Variants in APBB3 observed in about 807,000 individuals in gnomAD.
APBB3 encodes amyloid beta precursor protein binding family B member 3.
A neutral mutation model predicts 61.5 loss-of-function variants in APBB3; 50 were observed. The ratio of observed to expected loss-of-function variants is 0.81; its 90% CI spans 0.65 to 1.03. The LOEUF (loss-of-function observed/expected upper bound fraction) is 1.03. Ranked by LOEUF, APBB3 falls within the 50% of genes least tolerant of loss-of-function variation. The pLI is 0.00. For synonymous variants in APBB3, 235 were observed against 233.0 expected, an observed-to-expected ratio of 1.01 and a Z score of -0.08; for missense variants, 550 against 637.4, an observed-to-expected ratio of 0.86 and a Z score of 1.48.
Position 140,564,081 on chromosome 5 carries a change from C to T in APBB3, c.49+116G>A. On this transcript the variant is annotated intron_variant, in intron 1 of 12. Transcript: ENST00000357560. This position sits in a 1 kb window ranked among gnomAD's most constrained non-coding sequence, Gnocchi z 5.0. ...CATGTAAAGACCGGGTTCATTCGCC[C>T]CCTGGTCCCTACACAGAGAGGTATC... 1 of 1,500,146 alleles carries T rather than the reference C, an allele frequency of 6.7e-7. No individual in the cohort carries two copies. The highest frequency in any genetic ancestry group is 9.1e-7 in the Non-Finnish European group (1 of 1,096,364). The allele number at this position is 1,500,146 out of a possible 1,614,324, so 92.9% of individuals were successfully genotyped here. A position where few individuals can be genotyped will look rare whatever the true frequency, so the allele number is the denominator to read the frequency against.
chr5:140,562,078 T>TG (rs1754984751), intron 6 of APBB3, 22 bp downstream of exon 6: 2 of 1,613,316 alleles, frequency 1.2e-6, no homozygotes, highest in Middle Eastern at 1.7e-4. Context: ...AGCTCTTGCT[T>TG]GGGGGATGTA....
At chr5:140,563,470 G>T (rs1043860661) in intron 3 of APBB3, 124 bp downstream of exon 3, 10 of 1,119,562 alleles carry the variant, frequency 8.9e-6, no homozygotes, top group Admixed American at 7.9e-5. Context: ...AGCCAAGAAC[G>T]TAACAGAACC....
At position 140,562,475 on chromosome 5, in the gene APBB3, A is replaced by C; in HGVS notation, c.376T>G (p.Trp126Gly). The stretch of plus-strand genomic sequence containing the variant: ...AGGTCCTCTTCAGGTACCTCTACCC[A>C]GCCCAGAGAGCGGACTGCAAAGCAC... ...AKCFAVRSLG[W>G]VEVPEEDLAP... Residue 126 changes from tryptophan (W) to glycine (G), a missense_variant, in exon 5 of 13, where the codon TGG becomes GGG. This residue lies in a region of APBB3 where 405 missense variants were observed against 483.4 expected (regional missense o/e 0.84). Coordinates refer to ENST00000357560, the MANE Select transcript of APBB3 (RefSeq NM_133173.3). The C allele has an allele frequency of 6.2e-7, 1 of 1,614,174 alleles. No homozygotes were observed. Among genetic ancestry groups the C allele is most frequent in the East Asian group, 2.2e-5 (1 of 44,880 alleles).
At chr5:140,561,924 G>A (rs1443282753) in intron 6 of APBB3, 75 bp from the exon 7 acceptor site, 1 of 1,612,334 alleles carries the variant, frequency 6.2e-7, no homozygotes, top group East Asian at 2.2e-5. Flanking sequence ...TGTCCCTGCT[G>A]AGCTGGGCCC....
At chr5:140,563,050 T>A (rs1227260851) in intron 3 of APBB3, 1 of 348,966 alleles carries the variant, frequency 2.9e-6, no homozygotes, top group African/African-American at 2.1e-5. Context: ...ATCGAGACCA[T>A]CCTGGCCAAC....
At chr5:140,559,615 A>C (rs1156570554) in intron 12 of APBB3, among the ~76,000 whole-genome samples, 1 of 151,976 alleles carries the variant, frequency 6.6e-6, no homozygotes, top group African/African-American at 2.4e-5. Flanking sequence ...ATCCACTAAT[A>C]TCTCTCACCT....
intron 3 of APBB3, 21 bp downstream of exon 3, chr5:140,563,573 T>C: frequency 6.2e-7 from 1 of 1,613,910 alleles, no homozygotes; most frequent in Non-Finnish European, 8.5e-7. Context: ...AGCCTTTCAT[T>C]TTGCCTGGGC....
chr5:140,559,299 C>T (rs894137268), intron 12 of APBB3, among the ~76,000 whole-genome samples: 3 of 152,174 alleles, frequency 2.0e-5, no homozygotes, highest in Non-Finnish European at 4.4e-5. Flanking sequence ...GTGTACAACT[C>T]AAACTCCAGC....
In APBB3 at chr5:140,562,228, C is replaced by T. The variant is rs376576611; in HGVS notation, c.499-1G>A. On this transcript the variant is annotated splice_acceptor_variant, in intron 5 of 12. Coordinates refer to ENST00000357560, the MANE Select transcript of APBB3 (RefSeq NM_133173.3). LOFTEE classifies it high-confidence loss of function. ...TCAGGATCATCAGCATGTTCTGGCC[C>T]TGCCAAGGACAGAGGTCAGCCCAGA... 1 of 1,614,116 alleles carries T rather than the reference C, an allele frequency of 6.2e-7. No individual in the cohort carries two copies. The highest frequency in any genetic ancestry group is 8.5e-7 in the Non-Finnish European group (1 of 1,180,002).
chr5:140,562,059 G>A (rs1754983922), intron 6 of APBB3, 41 bp downstream of exon 6: 1 of 1,612,432 alleles, frequency 6.2e-7, no homozygotes, highest in Non-Finnish European at 8.5e-7. Context: ...GCAGCCGGGA[G>A]GGAGAAGTAG....
chr5:140,564,068 G>T lies in APBB3; in HGVS notation c.49+129C>A. ...CTTGAAGACATCACATGTAAAGACCGGGTTCATTCGCCCCCTGGTCCCTAC... is the reference window on the plus strand; with the variant it reads ...CTTGAAGACATCACATGTAAAGACCTGGTTCATTCGCCCCCTGGTCCCTAC... On this transcript the variant is annotated intron_variant, in intron 1 of 12. Coordinates refer to ENST00000357560, the MANE Select transcript of APBB3 (RefSeq NM_133173.3). The surrounding 1 kb of genome is among the most constrained non-coding windows in gnomAD (Gnocchi z 5.0). 6.8e-7 allele frequency: 1 copy of T among 1,465,882 alleles called. No individual in the cohort carries two copies. Among genetic ancestry groups the T allele is most frequent in the East Asian group, 2.4e-5 (1 of 41,976 alleles). The allele number at this position is 1,465,882 out of a possible 1,614,324, so 90.8% of individuals were successfully genotyped here.
chr5:140,560,489 C>T lies in APBB3; in HGVS notation c.1048G>A (p.Glu350Lys). The T allele has an allele frequency of 6.2e-7, 1 of 1,613,528 alleles. No individual in the cohort carries two copies. ...GGGCACTGCCACAATGGCTCCTCCTCTGTACTGGCCTCTGCCTGCCCACAC... is the reference window on the plus strand; with the variant it reads ...GGGCACTGCCACAATGGCTCCTCCTTTGTACTGGCCTCTGCCTGCCCACAC... ...AHPIQAEAST[E>K]EEPLWQCPVR... The change falls in exon 12 of 13, where the codon GAG becomes AAG. Residue 350 changes from glutamate to lysine, a missense_variant. Glu to Lys is a moderately conservative substitution (Grantham distance 56, BLOSUM62 1). This residue lies in a region of APBB3 where 405 missense variants were observed against 483.4 expected (regional missense o/e 0.84). Coordinates refer to ENST00000357560, the MANE Select transcript of APBB3 (RefSeq NM_133173.3). This position sits in a 1 kb window ranked among gnomAD's most constrained non-coding sequence, Gnocchi z 5.1.
intron 4 of APBB3, 24 bp from the exon 5 acceptor site, chr5:140,562,523 G>T: frequency 6.2e-7 from 1 of 1,613,404 alleles, no homozygotes; most frequent in Non-Finnish European, 8.5e-7. Context: ...GGAAGGGACA[G>T]GAATTAATAA....
At position 140,561,828 on chromosome 5, in the gene APBB3, C is replaced by T. The variant is rs73267684; in HGVS notation, c.632+16G>A. On this transcript the variant is annotated intron_variant, in intron 7 of 12. Coordinates refer to ENST00000357560, the MANE Select transcript of APBB3 (RefSeq NM_133173.3). ...GACATCAGGGATGGGGCTCAGGATA[C>T]CTGGTTTTCACTCACCTGTCACTGT... The T allele has an allele frequency of 6.2e-7, 1 of 1,613,792 alleles. No individual in the cohort carries two copies. The highest frequency in any genetic ancestry group is 8.5e-7 in the Non-Finnish European group (1 of 1,180,002).
Position 140,560,165 on chromosome 5 carries a change from C to T in APBB3, c.1224+148G>A. 1.2e-6 allele frequency: 1 copy of T among 844,962 alleles called. No individual in the cohort carries two copies. Among genetic ancestry groups the T allele is most frequent in the Non-Finnish European group, 1.8e-6 (1 of 555,386 alleles). 52.3% of individuals were successfully genotyped at this position (844,962 alleles called of 1,614,324 possible). A position where few individuals can be genotyped will look rare whatever the true frequency, so the allele number is the denominator to read the frequency against. ...AATATTGGCAACTAATTAAAACTTACTAAAAACAACATGAGGGCCAAAACA... is the reference window on the plus strand; with the variant it reads ...AATATTGGCAACTAATTAAAACTTATTAAAAACAACATGAGGGCCAAAACA... On this transcript the variant is annotated intron_variant, in intron 12 of 12. Coordinates refer to ENST00000357560, the MANE Select transcript of APBB3 (RefSeq NM_133173.3). This position sits in a 1 kb window ranked among gnomAD's most constrained non-coding sequence, Gnocchi z 5.1.
chr5:140,560,828 T>C lies in APBB3; in HGVS notation c.917-74A>G. ...CAGGGAGTGTCTAGCCCCCTCTCAC[T>C]GATTTGGGATTCAGAGATAGGGAAT... On this transcript the variant is annotated intron_variant, in intron 10 of 12. Coordinates refer to ENST00000357560, the MANE Select transcript of APBB3 (RefSeq NM_133173.3). The surrounding 1 kb of genome is among the most constrained non-coding windows in gnomAD (Gnocchi z 5.1). 1.4e-6 allele frequency: 2 copies of C among 1,471,716 alleles called. No individual in the cohort carries two copies. The highest frequency in any genetic ancestry group is 1.9e-6 in the Non-Finnish European group (2 of 1,057,232). 91.2% of individuals were successfully genotyped at this position (1,471,716 alleles called of 1,614,324 possible).
Position 140,561,301 on chromosome 5 carries a change from C to T in APBB3, c.832+64G>A, listed in dbSNP as rs1044821708. On this transcript the variant is annotated intron_variant, in intron 9 of 12. Coordinates refer to ENST00000357560, the MANE Select transcript of APBB3 (RefSeq NM_133173.3). The stretch of plus-strand genomic sequence containing the variant: ...ACAGAAGTATTAAATAACCAGAAAT[C>T]GCCCCCCCACAAAGCAGCACCAAAG... 3.6e-5 allele frequency: 56 copies of T among 1,566,560 alleles called. No individual in the cohort carries two copies. In the South Asian group the frequency reaches 3.8e-4, roughly 11 times the overall value.
At position 140,561,931 on chromosome 5, in the gene APBB3, G is replaced by A. The variant is rs745937719; in HGVS notation, c.627-82C>T. On this transcript the variant is annotated intron_variant, in intron 6 of 12. Coordinates refer to ENST00000357560, the MANE Select transcript of APBB3 (RefSeq NM_133173.3). ...CCCCAAACTGTCCCTGCTGAGCTGG[G>A]CCCACCCTCCCCAACCAGGGCTGGA... 40 of 1,611,846 alleles carry A rather than the reference G, an allele frequency of 2.5e-5. No homozygotes were observed. The South Asian group carries it at 3.5e-4, about 14-fold the overall frequency.
Position 140,564,054 on chromosome 5 carries a change from C to A in APBB3, c.50-139G>T, listed in dbSNP as rs1002905015. 3 of 1,464,074 alleles carry A rather than the reference C, an allele frequency of 2.0e-6. No individual in the cohort carries two copies. Among genetic ancestry groups the A allele is most frequent in the Non-Finnish European group, 2.8e-6 (3 of 1,077,340 alleles). 90.7% of individuals were successfully genotyped at this position (1,464,074 alleles called of 1,614,324 possible). ...CCAGGCTCCTCAATCTTGAAGACAT[C>A]ACATGTAAAGACCGGGTTCATTCGC... On this transcript the variant is annotated intron_variant, in intron 1 of 12. Transcript: ENST00000357560. This position sits in a 1 kb window ranked among gnomAD's most constrained non-coding sequence, Gnocchi z 5.0.
Sources: gnomAD v4.1 joint callset for allele counts (sites outside exome capture counted in the v4.1 genomes callset) on GRCh38, gnomAD v4.1.1 for gene constraint, gnomAD v4.1.1 regional missense constraint, Gnocchi (gnomAD v3.1) non-coding constraint, MANE v1.5 for transcripts, NCBI Gene and HGNC (gene_info 2026-07-23, HGNC 2026-07-21) for gene names.